Variants in KIAA0825 observed in about 807,000 individuals in gnomAD.
KIAA0825 encodes uncharacterized protein KIAA0825.
A neutral mutation model predicts 147.6 loss-of-function variants in KIAA0825; 119 were observed. That is an observed-to-expected ratio of 0.81 (90% CI 0.69 to 0.94). The LOEUF is 0.94. KIAA0825 is among the 40% of genes least tolerant of loss of function. KIAA0825 has a pLI of 0.00. For synonymous variants in KIAA0825, 470 were observed against 518.1 expected (o/e 0.91, Z 1.26); for missense variants, 1,381 against 1,472.7 (o/e 0.94, Z 1.02).
intron 2 of KIAA0825, among the ~76,000 whole-genome samples, chr5:94,537,701 AC>A (rs1332107148): frequency 6.6e-6 from 1 of 151,736 alleles, no homozygotes; most frequent in Non-Finnish European, 1.5e-5. Context: ...CTCAGAGACT[AC>A]TTAAGCATCC....
At chr5:94,267,040 C>T (rs1174741172) in intron 20 of KIAA0825, among the ~76,000 whole-genome samples, 1 of 152,068 alleles carries the variant, frequency 6.6e-6, no homozygotes, top group Non-Finnish European at 1.5e-5. Flanking sequence ...TTATACAAGC[C>T]TAGTTAGGTG....
intron 1 of KIAA0825, among the ~76,000 whole-genome samples, chr5:94,597,254 G>T (rs565413106): frequency 6.6e-6 from 1 of 152,042 alleles, no homozygotes; most frequent in East Asian, 1.9e-4. Context: ...ATCCAAAATA[G>T]ACCATGTACC....
intron 15 of KIAA0825, among the ~76,000 whole-genome samples, chr5:94,409,311 TA>T (rs1752469058): frequency 6.6e-6 from 1 of 152,184 alleles, no homozygotes; most frequent in Non-Finnish European, 1.5e-5. Flanking sequence ...AATAGGGAAA[TA>T]TATGCAAAAT....
At chr5:94,529,999 G>A (rs1211250677) in intron 3 of KIAA0825, among the ~76,000 whole-genome samples, 1 of 152,028 alleles carries the variant, frequency 6.6e-6, no homozygotes, top group Non-Finnish European at 1.5e-5. Flanking sequence ...AGCTGGGCAT[G>A]GTGGCTCACA....
intron 20 of KIAA0825, among the ~76,000 whole-genome samples, chr5:94,155,213 C>CTTTTTTTTTT (rs67704311): frequency 8.4e-6 from 1 of 119,066 alleles, no homozygotes; most frequent in Non-Finnish European, 1.8e-5. Context: ...TATTTTCTTT[C>CTTTTTTTTTT]TTTTTTTTTT....
At chr5:94,378,190 G>A (rs1371289270) in intron 20 of KIAA0825, among the ~76,000 whole-genome samples, 1 of 152,176 alleles carries the variant, frequency 6.6e-6, no homozygotes, top group Non-Finnish European at 1.5e-5. Flanking sequence ...TTGGTGTACA[G>A]ATTATTTCAT....
intron 7 of KIAA0825, among the ~76,000 whole-genome samples, chr5:94,476,837 T>A (rs1761950488): frequency 6.6e-6 from 1 of 152,046 alleles, no homozygotes; most frequent in African/African-American, 2.4e-5. Flanking sequence ...ATAGCCCACA[T>A]CCTCTAAGTG....
chr5:94,413,858 A>C (rs779303005), intron 15 of KIAA0825: 3 of 152,214 alleles, frequency 2.0e-5, no homozygotes, highest in Non-Finnish European at 4.4e-5. Flanking sequence ...CTCAGAATAC[A>C]TGATTAGTTA....
chr5:94,408,415 T>C (rs1230506327), intron 15 of KIAA0825, among the ~76,000 whole-genome samples: 1 of 152,152 alleles, frequency 6.6e-6, no homozygotes, highest in Non-Finnish European at 1.5e-5. Context: ...AATGGTGCGA[T>C]CTTGGCTCAC....
chr5:94,587,923 C>G (rs1263410456), intron 1 of KIAA0825, among the ~76,000 whole-genome samples: 2 of 152,030 alleles, frequency 1.3e-5, no homozygotes, highest in African/African-American at 4.8e-5. Flanking sequence ...TGAGAAATCT[C>G]ACAAAAACAA....
In KIAA0825 at chr5:94,594,361, T is replaced by C. The variant is rs1239597484; in HGVS notation, c.-152-11778A>G. 12 of 749,252 alleles carry C rather than the reference T, an allele frequency of 1.6e-5. No homozygotes were observed. The Admixed American group carries it at 2.0e-4, about 12-fold the overall frequency. The allele number at this position is 749,252 out of a possible 1,614,324, so 46.4% of individuals were successfully genotyped here. The stretch of plus-strand genomic sequence containing the variant: ...GGCATGAATGTAGCACAACAGCAGA[T>C]TTATAAAATGTTAGCAGAGGTACTA... On this transcript the variant is annotated intron_variant, in intron 1 of 20. Coordinates refer to ENST00000682413, the MANE Select transcript of KIAA0825 (RefSeq NM_001145678.3).
chr5:94,189,734 C>G (rs1042801631), intron 20 of KIAA0825, among the ~76,000 whole-genome samples: 12 of 152,106 alleles, frequency 7.9e-5, no homozygotes, highest in African/African-American at 2.9e-4. Context: ...TTCATCCTCC[C>G]TTTTCAAAAT....
intron 5 of KIAA0825, chr5:94,519,945 G>GTGTATACACACAGTTTCACAAATACTGTT: frequency 1.1e-6 from 1 of 912,546 alleles, no homozygotes; most frequent in South Asian, 4.2e-5. Flanking sequence ...ATATATATGT[G>GTGTATACACACAGTTTCACAAATACTGTT]TGTATACACA....
At chr5:94,234,943 A>G (rs1774957219) in intron 20 of KIAA0825, among the ~76,000 whole-genome samples, 1 of 152,018 alleles carries the variant, frequency 6.6e-6, no homozygotes, top group African/African-American at 2.4e-5. Context: ...TATTTGATAA[A>G]TGTTATGTGT....
At chr5:94,346,592 C>T (rs1051740581) in intron 20 of KIAA0825, among the ~76,000 whole-genome samples, 13 of 152,038 alleles carry the variant, frequency 8.6e-5, no homozygotes, top group African/African-American at 2.4e-4. Flanking sequence ...GAGAAGTTTG[C>T]GACTTTACCT....
At chr5:94,348,775 C>T (rs1408385126) in intron 20 of KIAA0825, among the ~76,000 whole-genome samples, 2 of 152,118 alleles carry the variant, frequency 1.3e-5, no homozygotes, top group East Asian at 3.9e-4. Flanking sequence ...AGAAGAACTG[C>T]TAAAAGGAGC....
At chr5:94,315,350 CTTA>C (rs905458793) in intron 20 of KIAA0825, among the ~76,000 whole-genome samples, 49 of 151,484 alleles carry the variant, frequency 3.2e-4, no homozygotes, top group Non-Finnish European at 4.7e-4. Flanking sequence ...TAGAGGTAAA[CTTA>C]TTATTTTTTT....
chr5:94,234,287 C>T (rs1236968790), intron 20 of KIAA0825, among the ~76,000 whole-genome samples: 15 of 151,724 alleles, frequency 9.9e-5, no homozygotes, highest in East Asian at 5.8e-4. Context: ...AGGAGAATGG[C>T]GTGAACCCGG....
At chr5:94,236,167 TCA>T (rs1775031299) in intron 20 of KIAA0825, among the ~76,000 whole-genome samples, 1 of 152,218 alleles carries the variant, frequency 6.6e-6, no homozygotes, top group South Asian at 2.1e-4. Flanking sequence ...CTGGGAAAAG[TCA>T]CTTGAAATCC....
Sources: allele counts gnomAD v4.1 joint callset (sites outside exome capture counted in the v4.1 genomes callset), GRCh38; gene constraint gnomAD v4.1.1; transcripts MANE v1.5; gene names NCBI Gene and HGNC (gene_info 2026-07-23, HGNC 2026-07-21).